Variants in CEP128 observed in about 807,000 individuals in gnomAD.
CEP128 encodes the protein centrosomal protein 128kDa.
In CEP128, 132 loss-of-function variants were observed where a neutral mutation model predicts 156.7. The ratio of observed to expected loss-of-function variants is 0.84; its 90% CI spans 0.73 to 0.97. The LOEUF (loss-of-function observed/expected upper bound fraction) is 0.97, where lower values mean the gene tolerates loss of function less well. Among genes scored for constraint, CEP128 ranks in the 50% least tolerant of loss-of-function variants. The pLI is 0.00. For missense variants in CEP128, 1,252 were observed against 1,281.9 expected, an observed-to-expected ratio of 0.98 and a Z score of 0.36; for synonymous variants, 469 against 448.9, an observed-to-expected ratio of 1.04 and a Z score of -0.57.
chr14:80,928,880 G>A (rs941294583), intron 2 of CEP128, among the ~76,000 whole-genome samples: 2 of 151,874 alleles, frequency 1.3e-5, no homozygotes, highest in East Asian at 1.9e-4. Flanking sequence ...AAAATAAATG[G>A]GACCTAATTA....
chr14:80,517,352 C>G (rs1043369515), intron 23 of CEP128, among the ~76,000 whole-genome samples: 6 of 151,988 alleles, frequency 3.9e-5, no homozygotes, highest in Non-Finnish European at 4.4e-5. Context: ...TGTAATATAC[C>G]CATTTCATGT....
At chr14:80,499,868 G>A (rs1887656320) in intron 24 of CEP128, among the ~76,000 whole-genome samples, 1 of 152,142 alleles carries the variant, frequency 6.6e-6, no homozygotes, top group Non-Finnish European at 1.5e-5. Flanking sequence ...GACATTATGA[G>A]TCCCTTACTA....
chr14:80,538,394 A>G (rs1354858880), intron 21 of CEP128, among the ~76,000 whole-genome samples: 1 of 152,210 alleles, frequency 6.6e-6, no homozygotes, highest in East Asian at 1.9e-4. Context: ...TTTTGTACAT[A>G]TTGTGCCTTC....
intron 13 of CEP128, among the ~76,000 whole-genome samples, chr14:80,796,162 G>C (rs945940531): frequency 2.6e-5 from 4 of 152,012 alleles, no homozygotes; most frequent in Non-Finnish European, 5.9e-5. Flanking sequence ...CTCTCATCAA[G>C]ATCCCCAAAG....
intron 21 of CEP128, among the ~76,000 whole-genome samples, chr14:80,539,639 A>G (rs1172080455): frequency 6.6e-6 from 1 of 152,166 alleles, no homozygotes; most frequent in African/African-American, 2.4e-5. Context: ...TTGAAAAAGA[A>G]CAGAACAGCA....
At chr14:80,949,077 T>A (rs1049462706) in intron 2 of CEP128, among the ~76,000 whole-genome samples, 1 of 152,188 alleles carries the variant, frequency 6.6e-6, no homozygotes, top group Non-Finnish European at 1.5e-5. Context: ...AGACCAGATT[T>A]ACCCTCCCAC....
At chr14:80,583,666 G>C (rs1891683307) in intron 19 of CEP128, among the ~76,000 whole-genome samples, 1 of 152,320 alleles carries the variant, frequency 6.6e-6, no homozygotes, top group Admixed American at 6.5e-5. Context: ...GAAGAAATGA[G>C]AGCCAAGAAA....
chr14:80,765,948 C>T (rs1900216629), intron 16 of CEP128, among the ~76,000 whole-genome samples: 1 of 152,128 alleles, frequency 6.6e-6, no homozygotes, highest in Non-Finnish European at 1.5e-5. Context: ...GAAAAGTTTT[C>T]AGCAAGTTAT....
intron 22 of CEP128, among the ~76,000 whole-genome samples, chr14:80,529,300 C>T (rs974169745): frequency 2.0e-5 from 3 of 152,174 alleles, no homozygotes; most frequent in Non-Finnish European, 4.4e-5. Flanking sequence ...AAGTACAATG[C>T]TGAACTCTGA....
At chr14:80,540,674 G>A (rs1315115761) in intron 21 of CEP128, among the ~76,000 whole-genome samples, 1 of 152,176 alleles carries the variant, frequency 6.6e-6, no homozygotes, top group African/African-American at 2.4e-5. Context: ...CATTTGGAGA[G>A]CAGACTGCTA....
chr14:80,761,334 T>G, intron 17 of CEP128, 103 bp downstream of exon 17: 1 of 864,944 alleles, frequency 1.2e-6, no homozygotes, highest in Non-Finnish European at 1.7e-6. Flanking sequence ...TTTTATAAAA[T>G]TTTCCATAAT....
chr14:80,894,794 G>T (rs74066925), intron 8 of CEP128: 10,711 of 298,744 alleles, frequency 0.036, 1,144 homozygotes, highest in African/African-American at 0.23. Context: ...TTTTCAAAAA[G>T]ATCAACTTAG....
At chr14:80,484,964 GGGCATTGGT>G (rs1887130008) in intron 14 of CEP128, among the ~76,000 whole-genome samples, 1 of 152,088 alleles carries the variant, frequency 6.6e-6, no homozygotes, top group Non-Finnish European at 1.5e-5. Flanking sequence ...CCTCAATTGT[GGGCATTGGT>G]GTGAGAAATA....
intron 19 of CEP128, among the ~76,000 whole-genome samples, chr14:80,583,725 C>A (rs1382161801): frequency 6.6e-6 from 1 of 152,166 alleles, no homozygotes; most frequent in Non-Finnish European, 1.5e-5. Flanking sequence ...AGCCCACAAA[C>A]CTCCTGGACT....
intron 19 of CEP128, among the ~76,000 whole-genome samples, chr14:80,623,858 A>G (rs57315708): frequency 0.13 from 20,337 of 152,202 alleles, 2,331 homozygotes; most frequent in African/African-American, 0.31. Flanking sequence ...CATGTATGCA[A>G]TATGTAATGA....
At chr14:80,771,375 A>G (rs1407642452) in intron 16 of CEP128, among the ~76,000 whole-genome samples, 1 of 152,176 alleles carries the variant, frequency 6.6e-6, no homozygotes, top group African/African-American at 2.4e-5. Context: ...AAGTCACTAT[A>G]TTCTCTCAAC....
intron 19 of CEP128, among the ~76,000 whole-genome samples, chr14:80,694,167 ACACT>A (rs1896809812): frequency 6.6e-6 from 1 of 152,166 alleles, no homozygotes; most frequent in South Asian, 2.1e-4. Context: ...AAGCTCATCA[ACACT>A]GGCCATTAGA....
At chr14:80,541,928 A>T (rs1157410087) in intron 21 of CEP128, among the ~76,000 whole-genome samples, 1 of 152,160 alleles carries the variant, frequency 6.6e-6, no homozygotes, top group Non-Finnish European at 1.5e-5. Context: ...CTGTCTATAG[A>T]AAAGTTCCTG....
At chr14:80,513,485 G>A (rs768944982) in intron 23 of CEP128, among the ~76,000 whole-genome samples, 6 of 151,938 alleles carry the variant, frequency 3.9e-5, no homozygotes, top group South Asian at 2.1e-4. Flanking sequence ...TAACCTTCCC[G>A]TACTTAAATA....
Sources: allele counts gnomAD v4.1 joint callset (sites outside exome capture counted in the v4.1 genomes callset), GRCh38; gene constraint gnomAD v4.1.1; transcripts MANE v1.5; gene names NCBI Gene and HGNC (gene_info 2026-07-23, HGNC 2026-07-21).